The following MARCHF10 variants were observed in gnomAD, a reference collection of about 807,000 sequenced individuals.
MARCHF10 encodes probable E3 ubiquitin-protein ligase MARCHF10.
Under a neutral mutation model 76.2 loss-of-function variants are expected in MARCHF10, and 64 were observed. That is an observed-to-expected ratio of 0.84 (90% confidence interval 0.69 to 1.03). The LOEUF (loss-of-function observed/expected upper bound fraction) is 1.03, where lower values mean the gene tolerates loss of function less well. Ranked by LOEUF, MARCHF10 falls within the 50% of genes least tolerant of loss-of-function variation. The pLI, the probability that MARCHF10 is intolerant of heterozygous loss-of-function variation, is 0.00. For synonymous variants in MARCHF10, 340 were observed against 357.5 expected (o/e 0.95, Z 0.55); for missense variants, 875 against 958.0 (o/e 0.91, Z 1.14).
At position 62,724,920 on chromosome 17, in the gene MARCHF10, ACTTC is replaced by A. The variant is rs779059746; in HGVS notation, c.2104+14_2104+17del. On this transcript the variant is annotated intron_variant, in intron 7 of 10. Coordinates refer to ENST00000311269, the MANE Select transcript of MARCHF10 (RefSeq NM_152598.4). The stretch of plus-strand genomic sequence containing the variant: ...TTACATGTCGTGGCACGTTCACTGC[ACTTC>A]CTTCCCCACCTACCTGATGTTATTT... 2.4e-5 allele frequency: 38 copies of A among 1,609,800 alleles called. No homozygotes were observed. Among genetic ancestry groups the A allele is most frequent in the Non-Finnish European group, 3.1e-5 (36 of 1,178,498 alleles).
At position 62,736,365 on chromosome 17, in the gene MARCHF10, T is replaced by C. The variant is rs758824328; in HGVS notation, c.1503A>G (p.Ser501=). ...MSSTSVHSSD[S]EGNSGFHVCQ... ...AAACATGAAACCCTGAGTTTCCCTCTGAGTCTGAGCTGTGAACTGAAGTCG... is the reference window on the plus strand; with the variant it reads ...AAACATGAAACCCTGAGTTTCCCTCCGAGTCTGAGCTGTGAACTGAAGTCG... Residue 501 remains serine, a synonymous_variant, in exon 6 of 11, where the codon TCA becomes TCG. Transcript: ENST00000311269. 1 of 1,614,228 alleles carries C rather than the reference T, an allele frequency of 6.2e-7. No individual in the cohort carries two copies. The highest frequency in any genetic ancestry group is 1.7e-5 in the Admixed American group (1 of 60,026).
chr17:62,773,903 T>C (rs1860339), intron 3 of MARCHF10, among the ~76,000 whole-genome samples: 102,069 of 152,132 alleles, frequency 0.67, 34,930 homozygotes, highest in African/African-American at 0.81. Flanking sequence ...CCAGCAGTGG[T>C]CAGTGGCCTG....
intron 2 of MARCHF10, among the ~76,000 whole-genome samples, chr17:62,797,869 C>T (rs1430659370): frequency 4.6e-5 from 7 of 151,966 alleles, no homozygotes; most frequent in Admixed American, 4.6e-4. Flanking sequence ...CATGGGGTGG[C>T]AACAGGGTAA....
At chr17:62,781,397 C>T (rs1358558475) in intron 3 of MARCHF10, among the ~76,000 whole-genome samples, 1 of 152,184 alleles carries the variant, frequency 6.6e-6, no homozygotes. Flanking sequence ...ATAAGTATCT[C>T]CTTGATGGGA....
At chr17:62,807,353 G>A (rs1157183878) in intron 1 of MARCHF10, among the ~76,000 whole-genome samples, 1 of 152,060 alleles carries the variant, frequency 6.6e-6, no homozygotes, top group Non-Finnish European at 1.5e-5. Context: ...AGCCAATTTG[G>A]CTTAAGAGTT....
intron 3 of MARCHF10, among the ~76,000 whole-genome samples, chr17:62,772,361 C>T (rs2092464912): frequency 6.6e-6 from 1 of 152,158 alleles, no homozygotes; most frequent in Non-Finnish European, 1.5e-5. Flanking sequence ...CCTCCCCAAC[C>T]ATGTGGAACT....
intron 2 of MARCHF10, among the ~76,000 whole-genome samples, chr17:62,796,073 C>T (rs908497721): frequency 2.6e-5 from 4 of 151,462 alleles, no homozygotes; most frequent in Non-Finnish European, 5.9e-5. Context: ...GGCGTCATCT[C>T]GGCTCACCGC....
chr17:62,716,617 C>G (rs1180977668), intron 8 of MARCHF10, among the ~76,000 whole-genome samples: 1 of 150,140 alleles, frequency 6.7e-6, no homozygotes. Flanking sequence ...AGACCTGCAG[C>G]TAAATGTTAT....
intron 9 of MARCHF10, among the ~76,000 whole-genome samples, chr17:62,708,748 C>T (rs1163055137): frequency 6.6e-6 from 1 of 152,202 alleles, no homozygotes; most frequent in African/African-American, 2.4e-5. Context: ...AGTAAACACT[C>T]AATGTTCCTG....
At chr17:62,737,423 G>C (rs2091323147) in intron 5 of MARCHF10, 91 bp from the exon 6 acceptor site, 1 of 1,186,846 alleles carries the variant, frequency 8.4e-7, no homozygotes, top group South Asian at 1.3e-5. Flanking sequence ...CCCTTTAAAT[G>C]CAACAGACAA....
chr17:62,715,949 C>T (rs1302425845), intron 8 of MARCHF10, among the ~76,000 whole-genome samples: 7 of 152,194 alleles, frequency 4.6e-5, no homozygotes, highest in South Asian at 4.1e-4. Flanking sequence ...AGTGCTGACC[C>T]GGCACCTAGA....
At chr17:62,777,695 C>T (rs1210279952) in intron 3 of MARCHF10, among the ~76,000 whole-genome samples, 5 of 86,592 alleles carry the variant, frequency 5.8e-5, no homozygotes, top group African/African-American at 2.3e-4. Context: ...GCCTGGGTTA[C>T]AAAGTGAGAC....
chr17:62,701,467 G>A lies in MARCHF10; in HGVS notation c.*236C>T. 2.1e-6 allele frequency: 2 copies of A among 953,462 alleles called. No homozygotes were observed. Among genetic ancestry groups the A allele is most frequent in the East Asian group, 2.9e-5 (1 of 34,766 alleles). 59.1% of individuals were successfully genotyped at this position (953,462 alleles called of 1,614,324 possible). Reference sequence around the variant, plus strand: ...GGGGCAGCACCAGGCCAGCCTGCCAGGGGCTCCACAGTCCCACGCTGCTTG... The same window carrying A: ...GGGGCAGCACCAGGCCAGCCTGCCAAGGGCTCCACAGTCCCACGCTGCTTG... On this transcript the variant is annotated 3_prime_UTR_variant, in exon 11 of 11. Transcript: ENST00000311269.
intron 1 of MARCHF10, among the ~76,000 whole-genome samples, chr17:62,803,606 G>A (rs2093114802): frequency 1.3e-5 from 2 of 152,024 alleles, no homozygotes; most frequent in South Asian, 2.1e-4. Context: ...CACAACCTCC[G>A]CCTCCCAGGT....
chr17:62,746,249 A>G (rs1223834277), intron 4 of MARCHF10, among the ~76,000 whole-genome samples: 3 of 152,210 alleles, frequency 2.0e-5, no homozygotes, highest in African/African-American at 7.2e-5. Context: ...CATGCCCCGC[A>G]GGGAACTTAC....
At chr17:62,745,579 T>A (rs1161278190) in intron 4 of MARCHF10, among the ~76,000 whole-genome samples, 1 of 152,196 alleles carries the variant, frequency 6.6e-6, no homozygotes, top group Admixed American at 6.5e-5. Context: ...TCAGGTTTAT[T>A]AGCAAACATG....
At chr17:62,792,715 T>TCAC (rs1221657949) in intron 2 of MARCHF10, among the ~76,000 whole-genome samples, 6 of 59,398 alleles carry the variant, frequency 1.0e-4, no homozygotes, top group African/African-American at 2.5e-4. Context: ...ACTACAACCA[T>TCAC]CACCACCACC....
chr17:62,796,008 C>CT (rs1022674506), intron 2 of MARCHF10, among the ~76,000 whole-genome samples: 285 of 143,268 alleles, frequency 2.0e-3, no homozygotes, highest in African/African-American at 3.9e-3. Flanking sequence ...GCAATTGATC[C>CT]TTTTTTTTTT....
At chr17:62,740,090 GT>G (rs2091454794) in intron 5 of MARCHF10, among the ~76,000 whole-genome samples, 1 of 151,920 alleles carries the variant, frequency 6.6e-6, no homozygotes, top group Non-Finnish European at 1.5e-5. Flanking sequence ...GTGCGTGTGT[GT>G]GTGTGTTTCC....
Sources: gnomAD v4.1 joint callset for allele counts (sites outside exome capture counted in the v4.1 genomes callset) on GRCh38, gnomAD v4.1.1 for gene constraint, MANE v1.5 for transcripts, NCBI Gene and HGNC (gene_info 2026-07-23, HGNC 2026-07-21) for gene names.